Variants in RGS7 observed in about 807,000 individuals in gnomAD.
RGS7 encodes regulator of G-protein signaling 7.
In RGS7, 27 loss-of-function variants were observed where a neutral mutation model predicts 81.1. The ratio of observed to expected loss-of-function variants is 0.33; its 90% CI spans 0.25 to 0.46. RGS7 has a LOEUF of 0.46. RGS7 is among the 20% of genes least tolerant of loss of function. The pLI is 1.00. For missense variants in RGS7, 396 were observed against 607.4 expected, an observed-to-expected ratio of 0.65 and a Z score of 3.66; for synonymous variants, 208 against 207.7, an observed-to-expected ratio of 1.00 and a Z score of -0.01.
At chr1:241,250,827 T>C (rs569533717) in intron 2 of RGS7, among the ~76,000 whole-genome samples, 1 of 152,374 alleles carries the variant, frequency 6.6e-6, no homozygotes, top group South Asian at 2.1e-4. Flanking sequence ...GTTCAACAGA[T>C]GATAAGGCTA....
At chr1:241,089,063 C>CTCTCTCTCTA (rs1374552672) in intron 3 of RGS7, among the ~76,000 whole-genome samples, 17 of 23,682 alleles carry the variant, frequency 7.2e-4, no homozygotes, top group Non-Finnish European at 9.7e-4. Flanking sequence ...CTCTCTCTCT[C>CTCTCTCTCTA]TATATATATA....
intron 3 of RGS7, 144 bp from the exon 4 acceptor site, chr1:240,983,273 T>G (rs747409265): frequency 1.4e-5 from 7 of 515,170 alleles, no homozygotes; most frequent in Non-Finnish European, 2.4e-5. Context: ...CTACCCCAGA[T>G]GGAATGCTGA....
At chr1:241,224,976 G>A (rs2075232121) in intron 2 of RGS7, among the ~76,000 whole-genome samples, 1 of 151,924 alleles carries the variant, frequency 6.6e-6, no homozygotes, top group Admixed American at 6.6e-5. Context: ...AATGTACAAG[G>A]AAAAATGTGT....
At chr1:241,300,245 A>T (rs757878264) in intron 2 of RGS7, among the ~76,000 whole-genome samples, 13 of 152,180 alleles carry the variant, frequency 8.5e-5, no homozygotes, top group Non-Finnish European at 1.3e-4. Flanking sequence ...TAAGTGGTAC[A>T]TTTATTACAA....
At chr1:240,823,749 C>T (rs116566677) in intron 10 of RGS7, among the ~76,000 whole-genome samples, 3,419 of 152,238 alleles carry the variant, frequency 0.022, 53 homozygotes, top group Non-Finnish European at 0.034. Context: ...ATTTTGAACT[C>T]GCCAAGCCTC....
chr1:240,961,729 G>C (rs1260084550), intron 4 of RGS7, among the ~76,000 whole-genome samples: 9 of 152,288 alleles, frequency 5.9e-5, no homozygotes, highest in African/African-American at 1.9e-4. Context: ...TTTATAGGGG[G>C]AAGAACAGTT....
intron 2 of RGS7, among the ~76,000 whole-genome samples, chr1:241,102,556 C>T (rs1429269811): frequency 6.6e-6 from 1 of 152,238 alleles, no homozygotes; most frequent in Non-Finnish European, 1.5e-5. Flanking sequence ...CATTCCTTCA[C>T]TCCTCTCTGG....
chr1:240,826,805 C>T (rs886553940), intron 10 of RGS7, among the ~76,000 whole-genome samples: 3 of 147,958 alleles, frequency 2.0e-5, no homozygotes, highest in African/African-American at 8.0e-5. Context: ...TAGATGTCCC[C>T]CTTTCCTCAG....
intron 3 of RGS7, among the ~76,000 whole-genome samples, chr1:241,090,964 T>A (rs374456915): frequency 6.6e-6 from 1 of 152,156 alleles, no homozygotes; most frequent in Non-Finnish European, 1.5e-5. Context: ...CAGGACATCA[T>A]GTGAAGGACA....
intron 4 of RGS7, among the ~76,000 whole-genome samples, chr1:240,941,061 C>CTT (rs1374734219): frequency 6.6e-6 from 1 of 152,094 alleles, no homozygotes; most frequent in African/African-American, 2.4e-5. Flanking sequence ...CTGAGTGATA[C>CTT]TTATGTTCCA....
At chr1:240,981,275 A>G (rs1057479552) in intron 4 of RGS7, among the ~76,000 whole-genome samples, 8 of 151,934 alleles carry the variant, frequency 5.3e-5, no homozygotes, top group African/African-American at 1.9e-4. Flanking sequence ...ACACCCAGCT[A>G]ATTTTTGTAT....
chr1:241,055,062 C>A (rs2061414522), intron 3 of RGS7, among the ~76,000 whole-genome samples: 1 of 152,056 alleles, frequency 6.6e-6, no homozygotes, highest in African/African-American at 2.4e-5. Context: ...CACAGTGCAC[C>A]ATATGTAGTA....
At chr1:241,266,140 T>C (rs958475735) in intron 2 of RGS7, among the ~76,000 whole-genome samples, 1 of 152,186 alleles carries the variant, frequency 6.6e-6, no homozygotes, top group African/African-American at 2.4e-5. Context: ...AGAGGCTGAA[T>C]AGAGCTGATC....
At chr1:241,132,282 T>C (rs1266108572) in intron 2 of RGS7, 1 of 154,828 alleles carries the variant, frequency 6.5e-6, no homozygotes, top group Admixed American at 6.5e-5. Context: ...ATGGATTTGA[T>C]TGAATGATTC....
chr1:241,345,902 G>A (rs1205363633), intron 2 of RGS7, among the ~76,000 whole-genome samples: 3 of 122,462 alleles, frequency 2.4e-5, no homozygotes, highest in Non-Finnish European at 5.1e-5. Flanking sequence ...TGTAACCCCA[G>A]CTACTCGGGA....
chr1:241,186,100 G>A (rs2072073458), intron 2 of RGS7, among the ~76,000 whole-genome samples: 1 of 151,956 alleles, frequency 6.6e-6, no homozygotes, highest in East Asian at 1.9e-4. Context: ...TAAACAGAGA[G>A]AAGTTACAAA....
chr1:241,202,756 G>C (rs545962206), intron 2 of RGS7, among the ~76,000 whole-genome samples: 67 of 151,974 alleles, frequency 4.4e-4, no homozygotes, highest in Non-Finnish European at 9.1e-4. Context: ...ATACAGAAGT[G>C]GGGAGGAGTG....
chr1:240,796,518 T>C (rs1291893574), intron 18 of RGS7, among the ~76,000 whole-genome samples: 1 of 152,104 alleles, frequency 6.6e-6, no homozygotes, highest in African/African-American at 2.4e-5. Context: ...AAACCCCATC[T>C]CTACTAAAAT....
At chr1:240,827,439 T>C (rs1269763561) in intron 9 of RGS7, among the ~76,000 whole-genome samples, 1 of 152,222 alleles carries the variant, frequency 6.6e-6, no homozygotes, top group Non-Finnish European at 1.5e-5. Context: ...ATACTCGGAC[T>C]GCACATGTGA....
Sources: allele counts gnomAD v4.1 joint callset (sites outside exome capture counted in the v4.1 genomes callset), GRCh38; gene constraint gnomAD v4.1.1; transcripts MANE v1.5; gene names NCBI Gene and HGNC (gene_info 2026-07-23, HGNC 2026-07-21).